The following CDK5RAP2 variants were observed in gnomAD, a reference collection of about 807,000 sequenced individuals.
CDK5RAP2 encodes the protein CDK5 regulatory subunit associated protein 2.
Under a neutral mutation model 232.9 loss-of-function variants are expected in CDK5RAP2, and 147 were observed. The ratio of observed to expected loss-of-function variants is 0.63; its 90% confidence interval spans 0.55 to 0.72. The LOEUF is 0.72. CDK5RAP2 is among the 30% of genes least tolerant of loss of function. The probability of loss-of-function intolerance (pLI) is 0.00; values close to 1 mark genes in which losing one functional copy is unlikely to be tolerated. For missense variants in CDK5RAP2, 2,195 were observed against 2,231.5 expected (o/e 0.98, Z 0.33); for synonymous variants, 833 against 833.7 (o/e 1.00, Z 0.01).
At chr9:120,546,920 CTTTTA>C (rs1394956278) in intron 4 of CDK5RAP2, among the ~76,000 whole-genome samples, 1 of 152,070 alleles carries the variant, frequency 6.6e-6, no homozygotes, top group Non-Finnish European at 1.5e-5. Flanking sequence ...TACAGCTCCT[CTTTTA>C]TTTTAATAAT....
intron 25 of CDK5RAP2, among the ~76,000 whole-genome samples, chr9:120,427,699 A>G (rs2131411410): frequency 6.6e-6 from 1 of 152,370 alleles, no homozygotes; most frequent in East Asian, 1.9e-4. Context: ...CTAAGTGGAA[A>G]GGGAGTAGAA....
At chr9:120,411,603 T>C (rs1187786420) in intron 28 of CDK5RAP2, 129 bp from the exon 29 acceptor site, 1 of 664,864 alleles carries the variant, frequency 1.5e-6, no homozygotes, top group South Asian at 1.6e-5. Flanking sequence ...GTTAACTATG[T>C]TAGGAATTAC....
chr9:120,468,929 T>C (rs2131512428), intron 17 of CDK5RAP2, among the ~76,000 whole-genome samples: 1 of 152,184 alleles, frequency 6.6e-6, no homozygotes, highest in East Asian at 1.9e-4. Flanking sequence ...ATATCCAATA[T>C]ATCAAAATAT....
At chr9:120,441,853 G>C (rs1039742547) in intron 23 of CDK5RAP2, among the ~76,000 whole-genome samples, 2 of 152,172 alleles carry the variant, frequency 1.3e-5, no homozygotes, top group African/African-American at 4.8e-5. Context: ...GGTGCAGACC[G>C]TGTCATCCAT....
chr9:120,434,733 G>T (rs1330822191), intron 25 of CDK5RAP2, among the ~76,000 whole-genome samples: 1 of 152,202 alleles, frequency 6.6e-6, no homozygotes, highest in Non-Finnish European at 1.5e-5. Flanking sequence ...AGCCAAGTCA[G>T]CCAAGGAGGG....
intron 24 of CDK5RAP2, among the ~76,000 whole-genome samples, chr9:120,438,631 G>T (rs1241509668): frequency 6.6e-6 from 1 of 152,168 alleles, no homozygotes; most frequent in Non-Finnish European, 1.5e-5. Flanking sequence ...ACTAGTTTAA[G>T]AATACCTCCT....
At chr9:120,570,747 A>G (rs748682465) in intron 2 of CDK5RAP2, among the ~76,000 whole-genome samples, 68 of 152,054 alleles carry the variant, frequency 4.5e-4, no homozygotes, top group Non-Finnish European at 8.5e-4. Flanking sequence ...GCTGAGGCAG[A>G]AGAATTGCTT....
At chr9:120,418,653 C>G (rs1255493395) in intron 27 of CDK5RAP2, among the ~76,000 whole-genome samples, 2 of 152,188 alleles carry the variant, frequency 1.3e-5, no homozygotes, top group Non-Finnish European at 2.9e-5. Flanking sequence ...AAACCAAGTA[C>G]TCAGAAACTC....
At position 120,453,542 on chromosome 9, in the gene CDK5RAP2, G is replaced by A. The variant is rs768459345; in HGVS notation, c.2707C>T (p.Leu903Phe). 1 of 1,614,174 alleles carries A rather than the reference G, an allele frequency of 6.2e-7. No individual in the cohort carries two copies. Among genetic ancestry groups the A allele is most frequent in the East Asian group, 2.2e-5 (1 of 44,884 alleles). Reference sequence around the variant, plus strand: ...TTCTCTGGCCGATGCTCTGCGCTGAGTGCAGTGTTGATCGGTTTCTCTTCC... The same window carrying A: ...TTCTCTGGCCGATGCTCTGCGCTGAATGCAGTGTTGATCGGTTTCTCTTCC... ...AWEEKPINTALSAEHRPENLH... is the reference protein window; with the variant it reads ...AWEEKPINTAFSAEHRPENLH... Residue 903 changes from leucine (L) to phenylalanine (F), a missense_variant, in exon 21 of 38, where the codon CTC becomes TTC. By Grantham distance (22) the Leu-to-Phe change is conservative. Transcript: ENST00000349780.
chr9:120,539,563 T>C (rs1342059641), intron 5 of CDK5RAP2, among the ~76,000 whole-genome samples: 1 of 152,262 alleles, frequency 6.6e-6, no homozygotes, highest in Non-Finnish European at 1.5e-5. Context: ...GTTTACTAAA[T>C]CAATTCTCTA....
chr9:120,403,114 ACT>A lies in CDK5RAP2; in HGVS notation c.5042-45_5042-44del, dbSNP rs1451632280. On this transcript the variant is annotated intron_variant, in intron 33 of 37. Transcript: ENST00000349780. The surrounding 1 kb of genome is among the most constrained non-coding windows in gnomAD (Gnocchi z 4.2). ...GGATGTAAAATCTGTTTCAGGTAAC[ACT>A]CTGCGTTCAAGACGCTTATGATGTT... 1.2e-6 allele frequency: 2 copies of A among 1,605,330 alleles called. No homozygotes were observed. The highest frequency in any genetic ancestry group is 1.1e-5 in the South Asian group (1 of 90,770).
Position 120,453,726 on chromosome 9 carries a change from T to C in CDK5RAP2, c.2523A>G (p.Ser841=), listed in dbSNP as rs756060504. 6.2e-7 allele frequency: 1 copy of C among 1,613,756 alleles called. No homozygotes were observed. The highest frequency in any genetic ancestry group is 1.1e-5 in the South Asian group (1 of 91,076). ...GELVHFVQTN[S]FSKPHDELKL... ...TCAGTTCATCATGTGGCTTGGAAAATGAGTTGGTTTGGACAAAATGTACAA... is the reference window on the plus strand; with the variant it reads ...TCAGTTCATCATGTGGCTTGGAAAACGAGTTGGTTTGGACAAAATGTACAA... The change falls in exon 21 of 38, where the codon TCA becomes TCG. Residue 841 remains serine, a synonymous_variant. Coordinates refer to ENST00000349780, the MANE Select transcript of CDK5RAP2 (RefSeq NM_018249.6).
At chr9:120,400,988 T>A in intron 34 of CDK5RAP2, 103 bp from the exon 35 acceptor site, 1 of 1,305,140 alleles carries the variant, frequency 7.7e-7, no homozygotes, top group Non-Finnish European at 1.1e-6. Context: ...GGGCTTCTGT[T>A]TCACACGCTG....
rs146653149 is a variant in CDK5RAP2, at chr9:120,455,102, C to T, written c.2376-1229G>A. On this transcript the variant is annotated intron_variant, in intron 20 of 37. Coordinates refer to ENST00000349780, the MANE Select transcript of CDK5RAP2 (RefSeq NM_018249.6). ...TGCAGTGGGCACTGGGGATACAAAA[C>T]TGTCCCAGGAGGACATGGACTGGTT... 2.6e-5 allele frequency among the ~76,000 whole-genome samples: 4 copies of T among 152,292 alleles called. No homozygotes were observed. The East Asian group carries it at 7.7e-4, about 29-fold the overall frequency.
chr9:120,519,195 G>C (rs1313751544), intron 11 of CDK5RAP2, among the ~76,000 whole-genome samples: 5 of 151,266 alleles, frequency 3.3e-5, no homozygotes, highest in Non-Finnish European at 7.4e-5. Context: ...AAGAAAAAAA[G>C]AAAAAAGAAA....
In CDK5RAP2 at chr9:120,453,379, T is replaced by C. The variant is rs2036578300; in HGVS notation, c.2793+77A>G. On this transcript the variant is annotated intron_variant, in intron 21 of 37. Coordinates refer to ENST00000349780, the MANE Select transcript of CDK5RAP2 (RefSeq NM_018249.6). ...TCTTGTCATATAAATGGGAAAAAAG[T>C]GGTGAGATTAAAGGTGATTTTTAAA... The C allele has an allele frequency of 2.3e-6, 3 of 1,324,676 alleles. No individual in the cohort carries two copies. In the African/African-American group the frequency reaches 4.4e-5, roughly 19 times the overall value. 82.1% of individuals were successfully genotyped at this position (1,324,676 alleles called of 1,614,324 possible). A position where few individuals can be genotyped will look rare whatever the true frequency, so the allele number is the denominator to read the frequency against.
chr9:120,421,265 C>T (rs2034552418), intron 26 of CDK5RAP2, among the ~76,000 whole-genome samples: 1 of 152,152 alleles, frequency 6.6e-6, no homozygotes, highest in East Asian at 1.9e-4. Flanking sequence ...CAACTCTCAC[C>T]CTTTAGATCT....
chr9:120,572,054 A>T lies in CDK5RAP2; in HGVS notation c.60-13T>A. ...GGGAACAAGGCCACTAGGAGAGAACACATGAGATAAGAGATGAGCTAATGT... is the reference window on the plus strand; with the variant it reads ...GGGAACAAGGCCACTAGGAGAGAACTCATGAGATAAGAGATGAGCTAATGT... On this transcript the variant is annotated splice_polypyrimidine_tract_variant and intron_variant, in intron 1 of 37. Coordinates refer to ENST00000349780, the MANE Select transcript of CDK5RAP2 (RefSeq NM_018249.6). 6.3e-7 allele frequency: 1 copy of T among 1,599,418 alleles called. No homozygotes were observed. The highest frequency in any genetic ancestry group is 1.1e-5 in the South Asian group (1 of 90,778).
At chr9:120,564,686 C>A (rs1452154438) in intron 3 of CDK5RAP2, among the ~76,000 whole-genome samples, 1 of 152,086 alleles carries the variant, frequency 6.6e-6, no homozygotes, top group African/African-American at 2.4e-5. Flanking sequence ...ATAATGCCAT[C>A]CATGAGTATT....
Sources: gnomAD v4.1 joint callset for allele counts (sites outside exome capture counted in the v4.1 genomes callset) on GRCh38, gnomAD v4.1.1 for gene constraint, Gnocchi (gnomAD v3.1) non-coding constraint, MANE v1.5 for transcripts, NCBI Gene and HGNC (gene_info 2026-07-23, HGNC 2026-07-21) for gene names.